The following RUNX2 variants were observed in gnomAD, a reference collection of about 807,000 sequenced individuals.
RUNX2 encodes the protein RUNX family transcription factor 2.
In RUNX2, 10 loss-of-function variants were observed where a neutral mutation model predicts 51.7. The ratio of observed to expected loss-of-function variants is 0.19; its 90% CI spans 0.12 to 0.33. RUNX2 has a LOEUF of 0.33. RUNX2 is among the 10% of genes least tolerant of loss of function. The probability of loss-of-function intolerance (pLI) is 1.00; values close to 1 mark genes in which losing one functional copy is unlikely to be tolerated. For synonymous variants in RUNX2, 276 were observed against 273.6 expected, an observed-to-expected ratio of 1.01 and a Z score of -0.09; for missense variants, 562 against 691.3, an observed-to-expected ratio of 0.81 and a Z score of 2.10.
chr6:45,422,983 C>A (rs1342865792), intron 3 of RUNX2, 26 bp downstream of exon 3: 1 of 1,603,654 alleles, frequency 6.2e-7, no homozygotes, highest in African/African-American at 1.3e-5. Context: ...GCCCCCCGCC[C>A]CCGGCCGGGA....
At chr6:45,460,190 G>C (rs1799432047) in intron 5 of RUNX2, among the ~76,000 whole-genome samples, 1 of 152,196 alleles carries the variant, frequency 6.6e-6, no homozygotes, top group Non-Finnish European at 1.5e-5. Context: ...ACAGATCCCT[G>C]GGGGTAATTC....
intron 7 of RUNX2, among the ~76,000 whole-genome samples, chr6:45,519,720 G>A (rs778546740): frequency 8.7e-5 from 13 of 148,596 alleles, no homozygotes; most frequent in Non-Finnish European, 1.5e-4. Flanking sequence ...TCTTTTCATG[G>A]CTTATTAATG....
intron 5 of RUNX2, among the ~76,000 whole-genome samples, chr6:45,483,496 T>C (rs1800174101): frequency 6.6e-6 from 1 of 152,202 alleles, no homozygotes; most frequent in African/African-American, 2.4e-5. Context: ...AGACATAAAA[T>C]GTGACACCCA....
At chr6:45,510,170 T>C (rs1801099242) in intron 6 of RUNX2, among the ~76,000 whole-genome samples, 1 of 152,216 alleles carries the variant, frequency 6.6e-6, no homozygotes, top group Non-Finnish European at 1.5e-5. Context: ...AGATTTGAAA[T>C]GTTGCCAATC....
chr6:45,462,091 C>A (rs765857203), intron 5 of RUNX2, among the ~76,000 whole-genome samples: 1 of 151,986 alleles, frequency 6.6e-6, no homozygotes, highest in Non-Finnish European at 1.5e-5. Context: ...TACAGAGAAA[C>A]CCTGATTAAA....
chr6:45,373,451 G>T (rs1713053100), intron 2 of RUNX2, among the ~76,000 whole-genome samples: 1 of 152,016 alleles, frequency 6.6e-6, no homozygotes, highest in Non-Finnish European at 1.5e-5. Flanking sequence ...AGAAAATGTT[G>T]GTTCTCCCTT....
At chr6:45,488,083 G>C (rs1800337170) in intron 5 of RUNX2, among the ~76,000 whole-genome samples, 2 of 152,164 alleles carry the variant, frequency 1.3e-5, no homozygotes, top group South Asian at 4.1e-4. Flanking sequence ...CTGAAAAGGA[G>C]ACAGATTTTC....
rs911759225 is a variant in RUNX2, at chr6:45,487,878, G to A, written c.686-4063G>A. 7.9e-5 allele frequency among the ~76,000 whole-genome samples: 12 copies of A among 152,164 alleles called. 1 individual carries two copies. The highest frequency in any genetic ancestry group is 5.2e-4 in the Admixed American group (8 of 15,264). On this transcript the variant is annotated intron_variant, in intron 5 of 8. Transcript: ENST00000647337. ...TAAATACACAAGATAATTATAGATT[G>A]TGGTGACTGCCATAAAGAAAATAAA... is the stretch of plus-strand genomic sequence containing the variant.
At chr6:45,499,510 T>C (rs1272484715) in intron 6 of RUNX2, among the ~76,000 whole-genome samples, 2 of 152,260 alleles carry the variant, frequency 1.3e-5, no homozygotes, top group African/African-American at 2.4e-5. Context: ...CAACCCGTTA[T>C]GTTGTTGCTT....
intron 5 of RUNX2, among the ~76,000 whole-genome samples, chr6:45,489,897 A>C (rs908181684): frequency 2.0e-5 from 3 of 152,176 alleles, no homozygotes; most frequent in African/African-American, 7.2e-5. Context: ...ACTTCTGCTT[A>C]TGTTGAAAGC....
At chr6:45,336,845 A>C (rs1788662668) in intron 2 of RUNX2, among the ~76,000 whole-genome samples, 1 of 151,576 alleles carries the variant, frequency 6.6e-6, no homozygotes, top group African/African-American at 2.4e-5. Context: ...TCATTCAAAT[A>C]CATGGTCAAT....
chr6:45,528,223 T>C (rs1364594938), intron 7 of RUNX2, among the ~76,000 whole-genome samples: 1 of 152,168 alleles, frequency 6.6e-6, no homozygotes, highest in East Asian at 1.9e-4. Flanking sequence ...TAATGCAAGA[T>C]GAAATTTGGA....
chr6:45,524,939 C>T (rs1934330), intron 7 of RUNX2, among the ~76,000 whole-genome samples: 1 of 152,122 alleles, frequency 6.6e-6, no homozygotes, highest in Admixed American at 6.5e-5. Context: ...GGTGAAACCT[C>T]GTATCTACTA....
intron 3 of RUNX2, among the ~76,000 whole-genome samples, chr6:45,426,841 C>A (rs913602064): frequency 6.6e-6 from 1 of 152,146 alleles, no homozygotes; most frequent in Admixed American, 6.5e-5. Context: ...CCATTTTTCT[C>A]TCTTCGAAAA....
At chr6:45,503,711 C>T (rs1800867726) in intron 6 of RUNX2, among the ~76,000 whole-genome samples, 1 of 152,150 alleles carries the variant, frequency 6.6e-6, no homozygotes, top group Non-Finnish European at 1.5e-5. Context: ...CTTTCTTCTT[C>T]TATTAGATTT....
intron 2 of RUNX2, among the ~76,000 whole-genome samples, chr6:45,355,261 T>C (rs945953913): frequency 6.6e-6 from 1 of 151,634 alleles, no homozygotes; most frequent in Non-Finnish European, 1.5e-5. Context: ...CATGCCCAGC[T>C]CCAATAAGCA....
Position 45,355,717 on chromosome 6 carries a change from T to C in RUNX2, c.58+26933T>C, listed in dbSNP as rs558784385. On this transcript the variant is annotated intron_variant, in intron 2 of 8. Coordinates refer to ENST00000647337, the MANE Select transcript of RUNX2 (RefSeq NM_001024630.4). ...ACATACTTCTAAAGGATTAGAGATATATAAAAGACATTAATATGCACAAAT... is the reference window on the plus strand; with the variant it reads ...ACATACTTCTAAAGGATTAGAGATACATAAAAGACATTAATATGCACAAAT... Among the ~76,000 whole-genome samples, 31 of 152,272 alleles carry C rather than the reference T, an allele frequency of 2.0e-4. 1 individual carries two copies. In the South Asian group the frequency reaches 5.2e-3, roughly 25 times the overall value.
chr6:45,363,218 A>G (rs530165842), intron 2 of RUNX2, among the ~76,000 whole-genome samples: 34 of 152,328 alleles, frequency 2.2e-4, no homozygotes, highest in Admixed American at 5.2e-4. Context: ...AAGCCTGGGT[A>G]TGGTACAGTA....
In RUNX2 at chr6:45,422,954, C is replaced by T. The variant is rs2150362674; in HGVS notation, c.420C>T (p.Phe140=). Residue 140 remains phenylalanine, a synonymous_variant, in exon 3 of 9, where the codon TTC becomes TTT. Transcript: ENST00000647337. Reference sequence around the variant, plus strand: ...GCAACAAGACCCTGCCCGTGGCCTTCAAGGTAAGAGGCTACACCGCCCCCC... The same window carrying T: ...GCAACAAGACCCTGCCCGTGGCCTTTAAGGTAAGAGGCTACACCGCCCCCC... ...WRCNKTLPVA[F]KVVALGEVPD... 6.2e-7 allele frequency: 1 copy of T among 1,610,746 alleles called. No individual in the cohort carries two copies. Among genetic ancestry groups the T allele is most frequent in the South Asian group, 1.1e-5 (1 of 91,002 alleles).
Sources: gnomAD v4.1 joint callset for allele counts (sites outside exome capture counted in the v4.1 genomes callset) on GRCh38, gnomAD v4.1.1 for gene constraint, MANE v1.5 for transcripts, NCBI Gene and HGNC (gene_info 2026-07-23, HGNC 2026-07-21) for gene names.